The following SYT17 variants were observed in gnomAD, a reference collection of about 807,000 sequenced individuals.
The protein encoded by SYT17 is synaptotagmin 17, also known as synaptotagmin-17.
Under a neutral mutation model 46.7 loss-of-function variants are expected in SYT17, and 22 were observed. The observed-to-expected ratio is 0.47, with a 90% CI of 0.34 to 0.67. The LOEUF is 0.67. Ranked by LOEUF, SYT17 falls within the 30% of genes least tolerant of loss-of-function variation. The pLI is 0.01. For synonymous variants in SYT17, 251 were observed against 248.4 expected (o/e 1.01, Z -0.10); for missense variants, 519 against 612.8 (o/e 0.85, Z 1.62).
At chr16:19,180,665 G>C (rs1964515403) in intron 4 of SYT17, 126 bp downstream of exon 4, 3 of 1,106,326 alleles carry the variant, frequency 2.7e-6, no homozygotes, top group Admixed American at 4.0e-5. Flanking sequence ...CAGTCCAGGA[G>C]ACAGGGCGAG....
intron 7 of SYT17, among the ~76,000 whole-genome samples, chr16:19,230,659 C>T (rs1966647847): frequency 6.6e-6 from 1 of 152,200 alleles, no homozygotes; most frequent in Non-Finnish European, 1.5e-5. Context: ...AATGTTCTTT[C>T]ATTGCCACTT....
At chr16:19,198,361 A>G (rs1965334253) in intron 5 of SYT17, among the ~76,000 whole-genome samples, 2 of 152,204 alleles carry the variant, frequency 1.3e-5, no homozygotes, top group Non-Finnish European at 2.9e-5. Context: ...GTGCCATATC[A>G]TGGTCAAAAG....
chr16:19,251,301 G>A (rs1330386088), intron 7 of SYT17, among the ~76,000 whole-genome samples: 1 of 152,164 alleles, frequency 6.6e-6, no homozygotes, highest in Non-Finnish European at 1.5e-5. Flanking sequence ...GCCTCCTCCT[G>A]TCACTGGGAT....
At chr16:19,266,357 A>G (rs775431008) in intron 7 of SYT17, among the ~76,000 whole-genome samples, 7 of 152,232 alleles carry the variant, frequency 4.6e-5, no homozygotes, top group Non-Finnish European at 8.8e-5. Flanking sequence ...TCTAGTACGT[A>G]GGTACCCGGG....
intron 7 of SYT17, among the ~76,000 whole-genome samples, chr16:19,253,706 C>A (rs1396065277): frequency 6.6e-6 from 1 of 152,030 alleles, no homozygotes; most frequent in Admixed American, 6.6e-5. Flanking sequence ...TAGAGTAACA[C>A]CTCTGGACTC....
intron 7 of SYT17, among the ~76,000 whole-genome samples, chr16:19,232,700 G>A (rs372149167): frequency 2.6e-5 from 4 of 152,012 alleles, no homozygotes; most frequent in African/African-American, 9.7e-5. Flanking sequence ...TCATGGTGGT[G>A]CATGCCTGTA....
intron 7 of SYT17, among the ~76,000 whole-genome samples, chr16:19,250,389 G>GTGTA (rs1967967221): frequency 6.6e-6 from 1 of 151,396 alleles, no homozygotes; most frequent in Non-Finnish European, 1.5e-5. Context: ...GTGTGTGTGT[G>GTGTA]TGTGTGTGTG....
At chr16:19,189,818 G>T (rs1441651333) in intron 5 of SYT17, among the ~76,000 whole-genome samples, 1 of 152,204 alleles carries the variant, frequency 6.6e-6, no homozygotes, top group Admixed American at 6.5e-5. Flanking sequence ...CTAATGCTTA[G>T]TGTCTAGTTA....
chr16:19,249,754 A>G (rs1402953891), intron 7 of SYT17, among the ~76,000 whole-genome samples: 2 of 152,152 alleles, frequency 1.3e-5, no homozygotes, highest in South Asian at 2.1e-4. Flanking sequence ...TTTTGGGTAG[A>G]CAAAATATGA....
Position 19,173,523 on chromosome 16 carries a change from A to C in SYT17, c.127A>C (p.Ser43Arg). 1 of 1,614,006 alleles carries C rather than the reference A, an allele frequency of 6.2e-7. No individual in the cohort carries two copies. The highest frequency in any genetic ancestry group is 8.5e-7 in the Non-Finnish European group (1 of 1,180,002). The change falls in exon 3 of 8, where the codon AGT (serine) becomes CGT (arginine). Residue 43 changes from serine to arginine, a missense_variant. Coordinates refer to ENST00000355377, the MANE Select transcript of SYT17 (RefSeq NM_016524.4). Reference protein sequence around the residue: ...KCYESSCCQSSEDEVEILGPF... With the variant: ...KCYESSCCQSREDEVEILGPF... ...CTACGAGTCCAGCTGTTGCCAGTCA[A>C]GTGAGGATGAAGTTGAAATTCTGGG... is the stretch of plus-strand genomic sequence containing the variant.
chr16:19,216,672 G>A (rs1966108042), intron 5 of SYT17, among the ~76,000 whole-genome samples: 1 of 152,052 alleles, frequency 6.6e-6, no homozygotes, highest in Admixed American at 6.6e-5. Flanking sequence ...TGAGGATGAT[G>A]GTTTCCAGCT....
chr16:19,227,503 G>T (rs1262860867), intron 7 of SYT17, among the ~76,000 whole-genome samples: 1 of 152,040 alleles, frequency 6.6e-6, no homozygotes, highest in Admixed American at 6.6e-5. Flanking sequence ...TTTTTGTAGA[G>T]ACGGGGTTTT....
chr16:19,248,441 T>C (rs1422276836), intron 7 of SYT17, among the ~76,000 whole-genome samples: 1 of 152,244 alleles, frequency 6.6e-6, no homozygotes, highest in Non-Finnish European at 1.5e-5. Context: ...CTGGAAGCAT[T>C]ATTTGTAATC....
At chr16:19,228,526 C>T (rs1016823762) in intron 7 of SYT17, among the ~76,000 whole-genome samples, 5 of 152,114 alleles carry the variant, frequency 3.3e-5, no homozygotes, top group Admixed American at 6.6e-5. Flanking sequence ...CACTGCATTC[C>T]GCAGAGACTC....
chr16:19,231,738 C>A (rs1966699393), intron 7 of SYT17, among the ~76,000 whole-genome samples: 1 of 151,978 alleles, frequency 6.6e-6, no homozygotes, highest in Non-Finnish European at 1.5e-5. Context: ...TCTGTCCTTA[C>A]TGATTAAATT....
In SYT17 at chr16:19,168,431, GC is replaced by G. The variant is rs1963948112; in HGVS notation, c.-212del. ...CCGATATCTCCGAACCGGGGAGGCG[GC>G]CCCGATTCCGAGAGCCGGAACGCAG... is the stretch of plus-strand genomic sequence containing the variant. On this transcript the variant is annotated 5_prime_UTR_variant, in exon 1 of 8. Transcript: ENST00000355377. The surrounding 1 kb of genome is among the most constrained non-coding windows in gnomAD (Gnocchi z 6.9). 1 of 621,170 alleles carries G rather than the reference GC, an allele frequency of 1.6e-6. No individual in the cohort carries two copies. The highest frequency in any genetic ancestry group is 2.0e-5 in the African/African-American group (1 of 50,754). The allele number at this position is 621,170 out of a possible 1,614,324, so 38.5% of individuals were successfully genotyped here. A position where few individuals can be genotyped will look rare whatever the true frequency, so the allele number is the denominator to read the frequency against.
At chr16:19,220,118 A>T (rs971714874) in intron 5 of SYT17, among the ~76,000 whole-genome samples, 1 of 152,020 alleles carries the variant, frequency 6.6e-6, no homozygotes, top group Non-Finnish European at 1.5e-5. Context: ...TCAGTTGACC[A>T]TTCCTATTTT....
intron 5 of SYT17, among the ~76,000 whole-genome samples, chr16:19,188,832 T>C (rs937564406): frequency 1.3e-5 from 2 of 152,204 alleles, no homozygotes; most frequent in African/African-American, 2.4e-5. Flanking sequence ...GCTGCATTGC[T>C]CTAATCCCTG....
At chr16:19,230,408 A>C (rs1214625528) in intron 7 of SYT17, among the ~76,000 whole-genome samples, 1 of 152,122 alleles carries the variant, frequency 6.6e-6, no homozygotes, top group African/African-American at 2.4e-5. Flanking sequence ...ACTCTTTAAA[A>C]AAAAAAAAAA....
Sources: gnomAD v4.1 joint callset for allele counts (sites outside exome capture counted in the v4.1 genomes callset) on GRCh38, gnomAD v4.1.1 for gene constraint, Gnocchi (gnomAD v3.1) non-coding constraint, MANE v1.5 for transcripts, NCBI Gene and HGNC (gene_info 2026-07-23, HGNC 2026-07-21) for gene names.